PICALM: variants seen among roughly 807,000 people sequenced by gnomAD.
PICALM encodes the protein phosphatidylinositol-binding clathrin assembly protein.
In PICALM, 40 loss-of-function variants were observed where a neutral mutation model predicts 80.5. The ratio of observed to expected loss-of-function variants is 0.50; its 90% CI spans 0.39 to 0.65. The LOEUF (loss-of-function observed/expected upper bound fraction) is 0.65. PICALM is among the 30% of genes least tolerant of loss of function. The pLI, the probability that PICALM is intolerant of heterozygous loss-of-function variation, is 0.00. For synonymous variants in PICALM, 288 were observed against 260.3 expected (o/e 1.11, Z -1.02); for missense variants, 676 against 778.9 (o/e 0.87, Z 1.57).
chr11:85,960,374 C>T (rs959155253), intron 19 of PICALM, among the ~76,000 whole-genome samples: 1 of 152,152 alleles, frequency 6.6e-6, no homozygotes, highest in East Asian at 1.9e-4. Context: ...TCCTTCTAAT[C>T]GAAAGGGCTT....
chr11:85,984,045 A>G, intron 13 of PICALM, 72 bp from the exon 14 acceptor site: 1 of 684,232 alleles, frequency 1.5e-6, no homozygotes, highest in Non-Finnish European at 2.5e-6. Flanking sequence ...AATAATGATG[A>G]CAATAGAATG....
chr11:85,979,629 A>C (rs1273479556), intron 17 of PICALM, among the ~76,000 whole-genome samples: 2 of 152,238 alleles, frequency 1.3e-5, no homozygotes, highest in Admixed American at 6.5e-5. Flanking sequence ...TGAAGTCTTA[A>C]GCTATATAAT....
chr11:86,024,903 T>C (rs1208145848), intron 3 of PICALM, among the ~76,000 whole-genome samples: 3 of 152,164 alleles, frequency 2.0e-5, no homozygotes, highest in Non-Finnish European at 4.4e-5. Context: ...CCAGCACAAA[T>C]CTCACCTTCT....
chr11:86,060,911 T>C (rs959738289), intron 1 of PICALM, among the ~76,000 whole-genome samples: 1 of 152,202 alleles, frequency 6.6e-6, no homozygotes, highest in African/African-American at 2.4e-5. Context: ...GATGAAGGCA[T>C]GACCCATGAA....
intron 17 of PICALM, among the ~76,000 whole-genome samples, chr11:85,977,604 A>G (rs560108110): frequency 6.6e-6 from 1 of 152,334 alleles, no homozygotes; most frequent in East Asian, 1.9e-4. Flanking sequence ...AAATAACACT[A>G]AAGTGAATAG....
chr11:86,039,832 T>C (rs2095919158), intron 1 of PICALM, among the ~76,000 whole-genome samples: 1 of 151,474 alleles, frequency 6.6e-6, no homozygotes, highest in Non-Finnish European at 1.5e-5. Flanking sequence ...TGAAATCCCA[T>C]CTCTACTAAA....
intron 12 of PICALM, 60 bp downstream of exon 12, chr11:85,996,766 A>C (rs528324174): frequency 9.2e-6 from 9 of 980,396 alleles, no homozygotes; most frequent in Non-Finnish European, 1.5e-5. Context: ...ATAAGTAAAC[A>C]CCACAGAATG....
chr11:85,957,970 T>C lies in PICALM; in HGVS notation c.*1076A>G. 4.5e-6 allele frequency: 1 copy of C among 224,622 alleles called. No individual in the cohort carries two copies. The highest frequency in any genetic ancestry group is 8.9e-6 in the Non-Finnish European group (1 of 112,456). 13.9% of individuals were successfully genotyped at this position (224,622 alleles called of 1,614,324 possible). On this transcript the variant is annotated 3_prime_UTR_variant, in exon 20 of 20. Transcript: ENST00000393346. Reference sequence around the variant, plus strand: ...ATACTATTTCCCCTTATTTAAAAGGTATATGATCATAACATGGCACGAGCC... The same window carrying C: ...ATACTATTTCCCCTTATTTAAAAGGCATATGATCATAACATGGCACGAGCC...
chr11:85,996,100 A>T (rs994234696), intron 12 of PICALM, among the ~76,000 whole-genome samples: 16 of 152,154 alleles, frequency 1.1e-4, no homozygotes, highest in African/African-American at 3.9e-4. Context: ...ACTTTCTAGG[A>T]TATAGTTCCT....
intron 19 of PICALM, chr11:85,974,402 G>C (rs1171918929): frequency 3.7e-6 from 2 of 533,810 alleles, no homozygotes; most frequent in Non-Finnish European, 7.4e-6. Flanking sequence ...GGTTCACAAA[G>C]GATACTACAC....
At chr11:86,018,725 C>T (rs952437517) in intron 4 of PICALM, among the ~76,000 whole-genome samples, 74 of 151,980 alleles carry the variant, frequency 4.9e-4, no homozygotes, top group African/African-American at 1.7e-3. Flanking sequence ...CCCATCTCTA[C>T]TAAAAATACA....
chr11:86,054,353 T>C (rs567743270), intron 1 of PICALM, among the ~76,000 whole-genome samples: 1 of 152,270 alleles, frequency 6.6e-6, no homozygotes, highest in Non-Finnish European at 1.5e-5. Flanking sequence ...AAGCAGCTAA[T>C]AAATGGGAGA....
At chr11:85,968,448 A>G (rs2093982582) in intron 19 of PICALM, among the ~76,000 whole-genome samples, 1 of 152,222 alleles carries the variant, frequency 6.6e-6, no homozygotes, top group Non-Finnish European at 1.5e-5. Flanking sequence ...ATAAGGAAAT[A>G]AGATGACAAC....
At chr11:86,020,029 C>T (rs760120321) in intron 4 of PICALM, among the ~76,000 whole-genome samples, 2 of 152,032 alleles carry the variant, frequency 1.3e-5, no homozygotes, top group South Asian at 2.1e-4. Flanking sequence ...CTCCTGAGGC[C>T]TCATCCTATA....
chr11:85,963,087 C>G (rs2135324621), intron 19 of PICALM, among the ~76,000 whole-genome samples: 1 of 152,250 alleles, frequency 6.6e-6, no homozygotes, highest in Non-Finnish European at 1.5e-5. Context: ...TGACTTGACT[C>G]TACTTATTTC....
chr11:86,061,875 T>C (rs2096371632), intron 1 of PICALM, among the ~76,000 whole-genome samples: 2 of 150,928 alleles, frequency 1.3e-5, no homozygotes, highest in South Asian at 4.2e-4. Context: ...CTTCAGTAAG[T>C]AAATGGACAA....
intron 9 of PICALM, among the ~76,000 whole-genome samples, chr11:86,002,445 T>C (rs2095169672): frequency 6.6e-6 from 1 of 152,222 alleles, no homozygotes; most frequent in African/African-American, 2.4e-5. Context: ...ACTCAAGTAA[T>C]TTCTTAACCC....
upstream of PICALM, chr11:86,069,705 T>G (rs1446497416): frequency 6.6e-6 from 1 of 152,270 alleles, no homozygotes; most frequent in Non-Finnish European, 1.5e-5. Flanking sequence ...ATTGAAGCTC[T>G]CCTTATTTAC....
chr11:85,991,212 T>C (rs1451071175), intron 12 of PICALM, among the ~76,000 whole-genome samples: 1 of 152,198 alleles, frequency 6.6e-6, no homozygotes, highest in East Asian at 1.9e-4. Context: ...TTTAAAGAGC[T>C]AACTAAATGG....
Sources: allele counts gnomAD v4.1 joint callset (sites outside exome capture counted in the v4.1 genomes callset), GRCh38; gene constraint gnomAD v4.1.1; transcripts MANE v1.5; gene names NCBI Gene and HGNC (gene_info 2026-07-23, HGNC 2026-07-21).